PDE4D: variants seen among roughly 807,000 people sequenced by gnomAD.
The protein encoded by PDE4D is phosphodiesterase 4D, also known as 3',5'-cyclic-AMP phosphodiesterase 4D.
Under a neutral mutation model 87.4 loss-of-function variants are expected in PDE4D, and 24 were observed. The observed-to-expected ratio is 0.27, with a 90% confidence interval of 0.20 to 0.39. The LOEUF (loss-of-function observed/expected upper bound fraction) is 0.39. Ranked by LOEUF, PDE4D falls within the 10% of genes least tolerant of loss-of-function variation. The probability of loss-of-function intolerance (pLI) is 1.00; values close to 1 mark genes in which losing one functional copy is unlikely to be tolerated. For missense variants in PDE4D, 714 were observed against 1,041.0 expected (o/e 0.69, Z 4.32); for synonymous variants, 384 against 383.2 (o/e 1.00, Z -0.02).
At chr5:60,000,415 G>C (rs1763916384) in intron 2 of PDE4D, among the ~76,000 whole-genome samples, 1 of 152,140 alleles carries the variant, frequency 6.6e-6, no homozygotes, top group African/African-American at 2.4e-5. Flanking sequence ...GGCCAGAAGG[G>C]AGTGGGACAA....
intron 3 of PDE4D, among the ~76,000 whole-genome samples, chr5:59,922,166 C>G (rs1473993196): frequency 6.6e-6 from 1 of 152,126 alleles, no homozygotes; most frequent in Non-Finnish European, 1.5e-5. Flanking sequence ...CCAGCCCTAG[C>G]CAGAGTGAAA....
intron 2 of PDE4D, among the ~76,000 whole-genome samples, chr5:59,206,235 T>A (rs1748768290): frequency 6.6e-6 from 1 of 152,190 alleles, no homozygotes; most frequent in South Asian, 2.1e-4. Flanking sequence ...ACCAGGAATC[T>A]GAAAGCAAAG....
chr5:58,988,656 C>T, intron 10 of PDE4D, 64 bp from the exon 11 acceptor site: 1 of 674,390 alleles, frequency 1.5e-6, no homozygotes. Flanking sequence ...AAAGTATAAA[C>T]AAATAAGAAA....
intron 1 of PDE4D, among the ~76,000 whole-genome samples, chr5:59,861,707 A>G (rs1390340793): frequency 3.3e-5 from 5 of 152,194 alleles, no homozygotes; most frequent in Non-Finnish European, 5.9e-5. Flanking sequence ...GAAAACACAT[A>G]TTACCAAGGA....
At chr5:59,735,209 G>A (rs903883000) in intron 1 of PDE4D, among the ~76,000 whole-genome samples, 6 of 152,186 alleles carry the variant, frequency 3.9e-5, no homozygotes, top group Non-Finnish European at 7.3e-5. Context: ...TTGCAGTTAT[G>A]AAACATAAAT....
intron 1 of PDE4D, among the ~76,000 whole-genome samples, chr5:60,409,443 C>G (rs1741857287): frequency 6.6e-6 from 1 of 152,048 alleles, no homozygotes; most frequent in Non-Finnish European, 1.5e-5. Context: ...CACAAGTGCT[C>G]TGAAGTTATG....
intron 1 of PDE4D, among the ~76,000 whole-genome samples, chr5:59,239,220 G>C (rs1002088941): frequency 6.6e-6 from 1 of 152,174 alleles, no homozygotes; most frequent in Non-Finnish European, 1.5e-5. Context: ...TCAAACTTTA[G>C]TTGATATCTC....
chr5:59,635,931 G>C (rs1019601277), intron 1 of PDE4D, among the ~76,000 whole-genome samples: 2 of 152,188 alleles, frequency 1.3e-5, no homozygotes, highest in Non-Finnish European at 2.9e-5. Flanking sequence ...AATAGGAAGA[G>C]AGGATGTTAA....
chr5:58,976,870 GGT>G (rs1743936204), intron 12 of PDE4D, among the ~76,000 whole-genome samples: 1 of 152,276 alleles, frequency 6.6e-6, no homozygotes, highest in South Asian at 2.1e-4. Context: ...GATGAGAAAA[GGT>G]GGGGAAAAAA....
chr5:59,776,539 C>T (rs1444286406), intron 1 of PDE4D, among the ~76,000 whole-genome samples: 1 of 152,148 alleles, frequency 6.6e-6, no homozygotes, highest in African/African-American at 2.4e-5. Context: ...TTTACTGATG[C>T]TTTTATGGCT....
chr5:59,793,971 C>T (rs536615425), intron 1 of PDE4D, among the ~76,000 whole-genome samples: 11 of 152,212 alleles, frequency 7.2e-5, no homozygotes, highest in Admixed American at 3.9e-4. Context: ...GCGTGCAGGA[C>T]GTTACCATGT....
chr5:59,423,148 C>A (rs966877362), intron 1 of PDE4D, among the ~76,000 whole-genome samples: 1 of 152,144 alleles, frequency 6.6e-6, no homozygotes, highest in Non-Finnish European at 1.5e-5. Flanking sequence ...ACTTCAGACA[C>A]CTTATCCTTT....
chr5:60,517,570 C>T (rs1417295245), intron 1 of PDE4D, among the ~76,000 whole-genome samples: 1 of 152,186 alleles, frequency 6.6e-6, no homozygotes, highest in African/African-American at 2.4e-5. Context: ...AGGAGCTACC[C>T]ACTGTAGGTC....
chr5:59,241,051 C>T (rs145558215), intron 1 of PDE4D, among the ~76,000 whole-genome samples: 286 of 152,218 alleles, frequency 1.9e-3, no homozygotes, highest in African/African-American at 6.8e-3. Flanking sequence ...CACTGTATGA[C>T]ACTTACTAAA....
chr5:60,071,845 C>T (rs1437552786), intron 2 of PDE4D, among the ~76,000 whole-genome samples: 2 of 152,096 alleles, frequency 1.3e-5, no homozygotes, highest in East Asian at 1.9e-4. Flanking sequence ...GCAAAGGACA[C>T]GATCTCATTC....
At chr5:59,242,304 G>C (rs967383744) in intron 1 of PDE4D, among the ~76,000 whole-genome samples, 1 of 152,084 alleles carries the variant, frequency 6.6e-6, no homozygotes, top group African/African-American at 2.4e-5. Context: ...TGGTGGCCTG[G>C]AGAACCTCAC....
chr5:59,845,460 C>A (rs1052280028), intron 1 of PDE4D, among the ~76,000 whole-genome samples: 2 of 152,078 alleles, frequency 1.3e-5, no homozygotes, highest in African/African-American at 4.8e-5. Context: ...ATGTCTCTTG[C>A]ATGATAAACA....
intron 1 of PDE4D, among the ~76,000 whole-genome samples, chr5:59,764,252 GCA>G (rs1210994240): frequency 6.6e-6 from 1 of 152,148 alleles, no homozygotes; most frequent in African/African-American, 2.4e-5. Flanking sequence ...GGAATAATGG[GCA>G]CAGAGTACAT....
At chr5:59,248,916 G>C (rs566635324) in intron 1 of PDE4D, among the ~76,000 whole-genome samples, 1 of 151,984 alleles carries the variant, frequency 6.6e-6, no homozygotes, top group African/African-American at 2.4e-5. Flanking sequence ...GGAAAATGTA[G>C]CTAAACATTT....
Sources: gnomAD v4.1 joint callset for allele counts (sites outside exome capture counted in the v4.1 genomes callset) on GRCh38, gnomAD v4.1.1 for gene constraint, MANE v1.5 for transcripts, NCBI Gene and HGNC (gene_info 2026-07-23, HGNC 2026-07-21) for gene names.